Variants in SLC17A1 observed in about 807,000 individuals in gnomAD.
SLC17A1 encodes the protein solute carrier family 17 member 1.
In SLC17A1, 51 loss-of-function variants were observed where a neutral mutation model predicts 53.5. The ratio of observed to expected loss-of-function variants is 0.95; its 90% CI spans 0.76 to 1.20. The LOEUF (loss-of-function observed/expected upper bound fraction) is 1.20. Ranked by LOEUF, SLC17A1 falls within the 50% of genes most tolerant of loss-of-function variation. The pLI is 0.00. For missense variants in SLC17A1, 538 were observed against 568.2 expected (o/e 0.95, Z 0.54); for synonymous variants, 179 against 198.8 (o/e 0.90, Z 0.84).
At chr6:25,776,723 C>A in the SLC17A1 span, 1 of 1,613,940 alleles carries the variant, frequency 6.2e-7, no homozygotes, top group Non-Finnish European at 8.5e-7. Flanking sequence ...TCTTCACTGC[C>A]ATTGGTAAGG....
chr6:25,730,526 A>T, the SLC17A1 span, among the ~76,000 whole-genome samples: 1 of 152,184 alleles, frequency 6.6e-6, no homozygotes, highest in Non-Finnish European at 1.5e-5. Context: ...TATTGGTTAA[A>T]GGATATGAAA....
the SLC17A1 span, chr6:25,773,558 T>C: frequency 6.2e-7 from 1 of 1,613,992 alleles, no homozygotes; most frequent in Non-Finnish European, 8.5e-7. Context: ...TATGATCAAA[T>C]CCTTACCACT....
chr6:25,798,925 G>T lies in SLC17A1; in HGVS notation c.1270-6C>A. The T allele has an allele frequency of 6.5e-7, 1 of 1,544,584 alleles. No homozygotes were observed. The highest frequency in any genetic ancestry group is 8.8e-7 in the Non-Finnish European group (1 of 1,134,832). ...AACCAGGCGGATTCCGGATCCTAAG[G>T]AATTAAAATTCAAAGTAATTGTAAA... On this transcript the variant is annotated splice_region_variant and splice_polypyrimidine_tract_variant and intron_variant, in intron 11 of 12. Coordinates refer to ENST00000244527, the MANE Select transcript of SLC17A1 (RefSeq NM_005074.5).
At chr6:25,779,216 G>A, downstream of SLC17A1, 1 of 1,611,250 alleles carries the variant, frequency 6.2e-7, no homozygotes, top group Non-Finnish European at 8.5e-7. Flanking sequence ...CTAGATCCTG[G>A]TGCTTAGTTC....
the SLC17A1 span, among the ~76,000 whole-genome samples, chr6:25,775,150 T>C: frequency 6.6e-6 from 1 of 151,950 alleles, no homozygotes; most frequent in Non-Finnish European, 1.5e-5. Context: ...GCCAACATGG[T>C]GAACCCCCTG....
At chr6:25,779,172 C>T (rs768268680), downstream of SLC17A1, 2 of 1,613,738 alleles carry the variant, frequency 1.2e-6, no homozygotes, top group Non-Finnish European at 1.7e-6. Flanking sequence ...AAAGAGCAGA[C>T]ATTCACCCAC....
intron 8 of SLC17A1, among the ~76,000 whole-genome samples, chr6:25,812,611 T>A (rs958135690): frequency 6.6e-6 from 1 of 152,154 alleles, no homozygotes; most frequent in African/African-American, 2.4e-5. Context: ...TATAGATGCA[T>A]GTGTGCTGTT....
At chr6:25,807,832 T>C (rs1399975487) in intron 10 of SLC17A1, among the ~76,000 whole-genome samples, 1 of 152,134 alleles carries the variant, frequency 6.6e-6, no homozygotes, top group Non-Finnish European at 1.5e-5. Flanking sequence ...TTCCATAATA[T>C]ATATATCACC....
chr6:25,813,250 G>T, intron 6 of SLC17A1, 37 bp from the exon 7 acceptor site: 3 of 1,489,156 alleles, frequency 2.0e-6, no homozygotes, highest in South Asian at 1.1e-5. Flanking sequence ...GGAAGTCTCT[G>T]TTTGTAGTGG....
rs1561846719 is a variant in SLC17A1, at chr6:25,830,569, G to A, written c.-12C>T. The A allele has an allele frequency of 3.7e-6, 6 of 1,613,892 alleles. No homozygotes were observed. Among genetic ancestry groups the A allele is most frequent in the Non-Finnish European group, 5.1e-6 (6 of 1,179,820 alleles). ...TTATCCATTTGCATACACGGCTGAA[G>A]TTGCTTCTCTTCTTGCTGAAGGGTT... On this transcript the variant is annotated 5_prime_UTR_variant, in exon 2 of 13. Coordinates refer to ENST00000244527, the MANE Select transcript of SLC17A1 (RefSeq NM_005074.5).
intron 3 of SLC17A1, among the ~76,000 whole-genome samples, chr6:25,821,388 T>TCCG (rs1216619643): frequency 6.6e-6 from 1 of 152,050 alleles, no homozygotes; most frequent in East Asian, 1.9e-4. Flanking sequence ...AGGCACATCC[T>TCCG]TATAGTAGCC....
chr6:25,749,802 A>C, the SLC17A1 span, among the ~76,000 whole-genome samples: 1 of 152,144 alleles, frequency 6.6e-6, no homozygotes, highest in African/African-American at 2.4e-5. Flanking sequence ...TGATCAATTC[A>C]ATTTAATTAG....
the SLC17A1 span, among the ~76,000 whole-genome samples, chr6:25,728,542 G>A: frequency 2.0e-4 from 31 of 152,126 alleles, no homozygotes; most frequent in Admixed American, 2.0e-3. Context: ...ACCGGCCGGC[G>A]CGGTGGCTCA....
the SLC17A1 span, among the ~76,000 whole-genome samples, chr6:25,752,621 C>T: frequency 6.6e-6 from 1 of 152,190 alleles, no homozygotes; most frequent in African/African-American, 2.4e-5. Context: ...CTGGTAATCA[C>T]AGCTTAAAAC....
intron 10 of SLC17A1, among the ~76,000 whole-genome samples, chr6:25,804,442 A>G (rs567714784): frequency 1.5e-4 from 23 of 152,274 alleles, no homozygotes; most frequent in African/African-American, 4.3e-4. Flanking sequence ...GAATCTCTTT[A>G]CAGCATAAAA....
chr6:25,723,982 A>G, the SLC17A1 span, among the ~76,000 whole-genome samples: 1 of 152,206 alleles, frequency 6.6e-6, no homozygotes, highest in Non-Finnish European at 1.5e-5. Context: ...GGAAATACAA[A>G]CCAGTACGAA....
the SLC17A1 span, among the ~76,000 whole-genome samples, chr6:25,774,536 A>G: frequency 6.6e-6 from 1 of 152,334 alleles, no homozygotes; most frequent in South Asian, 2.1e-4. Context: ...CCCAGGAGGC[A>G]GTGGCTCTGG....
At chr6:25,726,551 C>T in the SLC17A1 span, 24 of 1,589,680 alleles carry the variant, frequency 1.5e-5, no homozygotes, top group African/African-American at 1.2e-4. Context: ...ATTGCAGCAA[C>T]ACGAGAACCA....
chr6:25,808,308 TAC>T (rs1764029146), intron 10 of SLC17A1, among the ~76,000 whole-genome samples: 1 of 151,772 alleles, frequency 6.6e-6, no homozygotes, highest in South Asian at 2.1e-4. Context: ...TACAAAGGCA[TAC>T]AGAGTGATAT....
Sources: allele counts gnomAD v4.1 joint callset (sites outside exome capture counted in the v4.1 genomes callset), GRCh38; gene constraint gnomAD v4.1.1; transcripts MANE v1.5; gene names NCBI Gene and HGNC (gene_info 2026-07-23, HGNC 2026-07-21).